Variants in GXYLT2 observed in about 807,000 individuals in gnomAD.
GXYLT2 encodes glycosyltransferase 8 domain containing 4.
In GXYLT2, 53 loss-of-function variants were observed where a neutral mutation model predicts 45.8. The ratio of observed to expected loss-of-function variants is 1.16; its 90% CI spans 0.93 to 1.46. The LOEUF is 1.46. Ranked by LOEUF, GXYLT2 falls within the 40% of genes most tolerant of loss-of-function variation. GXYLT2 has a pLI of 0.00. For missense variants in GXYLT2, 551 were observed against 544.4 expected, an observed-to-expected ratio of 1.01 and a Z score of -0.12; for synonymous variants, 219 against 214.2, an observed-to-expected ratio of 1.02 and a Z score of -0.19.
chr3:72,917,757 C>CA (rs756537850), intron 2 of GXYLT2, among the ~76,000 whole-genome samples: 2,719 of 59,852 alleles, frequency 0.045, 21 homozygotes, highest in African/African-American at 0.071. Flanking sequence ...GGCCCCATCT[C>CA]AAAAAAAAAA....
intron 3 of GXYLT2, among the ~76,000 whole-genome samples, chr3:72,954,202 G>T (rs1167390439): frequency 2.0e-5 from 3 of 152,026 alleles, no homozygotes; most frequent in Non-Finnish European, 1.5e-5. Context: ...CCCCTCCCCG[G>T]GTTCAAGCGA....
chr3:72,955,563 G>A (rs1287089243), intron 4 of GXYLT2, among the ~76,000 whole-genome samples: 1 of 152,154 alleles, frequency 6.6e-6, no homozygotes, highest in African/African-American at 2.4e-5. Flanking sequence ...CAGCAAAGTC[G>A]CCATTCAGGA....
chr3:72,888,150 G>C lies in GXYLT2; in HGVS notation c.-84G>C. 1.1e-6 allele frequency: 1 copy of C among 924,862 alleles called. No homozygotes were observed. The highest frequency in any genetic ancestry group is 1.3e-6 in the Non-Finnish European group (1 of 776,960). 57.3% of individuals were successfully genotyped at this position (924,862 alleles called of 1,614,324 possible). ...GGCGGGCGGAGGAGGCGACCGCCGCGCGCTGCTGCACTCATCCTGCCGCCG... is the reference window on the plus strand; with the variant it reads ...GGCGGGCGGAGGAGGCGACCGCCGCCCGCTGCTGCACTCATCCTGCCGCCG... On this transcript the variant is annotated 5_prime_UTR_variant, in exon 1 of 7. Transcript: ENST00000389617.
chr3:72,942,064 G>A (rs529416436), intron 3 of GXYLT2, among the ~76,000 whole-genome samples: 18 of 152,116 alleles, frequency 1.2e-4, no homozygotes, highest in Non-Finnish European at 1.5e-4. Context: ...GTAAGGATGT[G>A]CTAAAAAATA....
chr3:72,950,696 A>G (rs1452759881), intron 3 of GXYLT2, among the ~76,000 whole-genome samples: 1 of 152,198 alleles, frequency 6.6e-6, no homozygotes, highest in Non-Finnish European at 1.5e-5. Flanking sequence ...TGGAATTTGA[A>G]CGTAGGTTGC....
At chr3:72,920,140 T>A (rs1186295356) in intron 2 of GXYLT2, among the ~76,000 whole-genome samples, 1 of 152,008 alleles carries the variant, frequency 6.6e-6, no homozygotes, top group Non-Finnish European at 1.5e-5. Flanking sequence ...TTTTATTTAT[T>A]TTTTTATTTT....
chr3:72,913,229 G>A (rs1709668729), intron 2 of GXYLT2, among the ~76,000 whole-genome samples: 1 of 150,630 alleles, frequency 6.6e-6, no homozygotes, highest in Non-Finnish European at 1.5e-5. Flanking sequence ...TAGTAGAGAC[G>A]GGGTTTCACC....
rs35141445 is a variant in GXYLT2 at position 72,901,288 on chromosome 3, C to CAA, written c.276-7063_276-7062dup. Among the ~76,000 whole-genome samples, 800 of 96,472 alleles carry CAA rather than the reference C, an allele frequency of 8.3e-3. 11 individuals are homozygous for CAA. Among genetic ancestry groups the CAA allele is most frequent in the African/African-American group, 0.027 (689 of 25,706 alleles). The allele number at this position is 96,472 out of a possible 152,430, so 63.3% of individuals were successfully genotyped here. On this transcript the variant is annotated intron_variant, in intron 1 of 6. Transcript: ENST00000389617. Reference sequence around the variant, plus strand: ...TGGGTGACAGATCTAGACTCTGTCTCAAAAAAAAAAAAAAAAACAATTAGC... The same window carrying CAA: ...TGGGTGACAGATCTAGACTCTGTCTCAAAAAAAAAAAAAAAAAAACAATTAGC...
intron 6 of GXYLT2, among the ~76,000 whole-genome samples, chr3:72,972,642 GAAAAAA>G (rs71126813): frequency 1.4e-4 from 12 of 84,558 alleles, no homozygotes; most frequent in African/African-American, 5.8e-4. Flanking sequence ...CTCTGTCTCG[GAAAAAA>G]AAAAAAAAAA....
chr3:72,908,511 A>G lies in GXYLT2; in HGVS notation c.420A>G (p.Gln140=), dbSNP rs1709551693. 3 of 1,613,786 alleles carry G rather than the reference A, an allele frequency of 1.9e-6. No homozygotes were observed. The African/African-American group carries it at 4.0e-5, about 22-fold the overall frequency. Residue 140 remains glutamine (Q), a synonymous_variant, in exon 2 of 7, where the codon CAA becomes CAG. Transcript: ENST00000389617. ...SAVLFSHRKI[Q]FHIFTEDSLK... ...TGCTTTTTAGCCACAGGAAGATCCAATTCCACATCTTCACTGAAGACTCTC... is the reference window on the plus strand; with the variant it reads ...TGCTTTTTAGCCACAGGAAGATCCAGTTCCACATCTTCACTGAAGACTCTC...
At chr3:72,915,356 C>CG (rs549040869) in intron 2 of GXYLT2, among the ~76,000 whole-genome samples, 776 of 17,274 alleles carry the variant, frequency 0.045, 20 homozygotes, top group Middle Eastern at 0.083. Flanking sequence ...TTTTTTTTTG[C>CG]GGGGGGGGGG....
At chr3:72,933,766 T>A (rs1451112287) in intron 3 of GXYLT2, among the ~76,000 whole-genome samples, 1 of 152,068 alleles carries the variant, frequency 6.6e-6, no homozygotes, top group Non-Finnish European at 1.5e-5. Context: ...CCGGGTGTGG[T>A]GGCACAGGTC....
At chr3:72,909,094 C>G (rs1466186769) in intron 2 of GXYLT2, among the ~76,000 whole-genome samples, 2 of 117,850 alleles carry the variant, frequency 1.7e-5, no homozygotes, top group African/African-American at 6.8e-5. Flanking sequence ...TTTGAGACAG[C>G]GGCTCACTCT....
intron 5 of GXYLT2, 104 bp downstream of exon 5, chr3:72,957,456 A>T: frequency 8.6e-7 from 1 of 1,167,880 alleles, no homozygotes; most frequent in Non-Finnish European, 1.2e-6. Context: ...TGAATTGTGC[A>T]CAGAGGAGCC....
At chr3:72,955,069 C>T in intron 3 of GXYLT2, 29 bp from the exon 4 acceptor site, 1 of 1,604,854 alleles carries the variant, frequency 6.2e-7, no homozygotes, top group Non-Finnish European at 8.5e-7. Context: ...CCCTCCTCTC[C>T]CCTTTACACC....
Position 72,970,179 on chromosome 3 carries a change from C to T in GXYLT2, c.1149+2460C>T, listed in dbSNP as rs534010314. On this transcript the variant is annotated intron_variant, in intron 6 of 6. Coordinates refer to ENST00000389617, the MANE Select transcript of GXYLT2 (RefSeq NM_001080393.2). ...CAGCCTGGCCAACATGGTAAAACCC[C>T]ATCTCTACTAAAAATACAAAAATTA... Among the ~76,000 whole-genome samples the T allele has an allele frequency of 1.5e-4, 23 of 149,104 alleles. No individual in the cohort carries two copies. The East Asian group carries it at 4.6e-3, about 30-fold the overall frequency.
intron 3 of GXYLT2, among the ~76,000 whole-genome samples, chr3:72,952,127 C>T (rs945550867): frequency 3.3e-5 from 5 of 151,736 alleles, no homozygotes; most frequent in African/African-American, 9.7e-5. Context: ...CTCAGCCTCT[C>T]GAGTATCTTG....
chr3:72,920,892 GCAA>G (rs1709820933), intron 2 of GXYLT2, among the ~76,000 whole-genome samples: 1 of 149,714 alleles, frequency 6.7e-6, no homozygotes, highest in Admixed American at 6.7e-5. Context: ...TCAGCTCACT[GCAA>G]CCTCCACCTC....
chr3:72,962,527 TAGAA>T (rs1187536119), intron 5 of GXYLT2, among the ~76,000 whole-genome samples: 3 of 151,114 alleles, frequency 2.0e-5, no homozygotes, highest in African/African-American at 7.3e-5. Context: ...AGAAAGGAGA[TAGAA>T]AGCTGGAGAA....
Sources: gnomAD v4.1 joint callset for allele counts (sites outside exome capture counted in the v4.1 genomes callset) on GRCh38, gnomAD v4.1.1 for gene constraint, MANE v1.5 for transcripts, NCBI Gene and HGNC (gene_info 2026-07-23, HGNC 2026-07-21) for gene names.